DCC: variants seen among roughly 807,000 people sequenced by gnomAD.
DCC encodes DCC netrin 1 receptor, also known as netrin receptor DCC.
Under a neutral mutation model 172.5 loss-of-function variants are expected in DCC, and 58 were observed. That is an observed-to-expected ratio of 0.34 (90% CI 0.27 to 0.42). The LOEUF is 0.42. Among genes scored for constraint, DCC ranks in the 10% least tolerant of loss-of-function variants. DCC has a pLI of 1.00. For synonymous variants in DCC, 709 were observed against 644.5 expected (o/e 1.10, Z -1.52); for missense variants, 1,740 against 1,791.0 (o/e 0.97, Z 0.51).
chr18:52,360,817 G>A (rs1048361148), intron 1 of DCC, among the ~76,000 whole-genome samples: 2 of 152,170 alleles, frequency 1.3e-5, no homozygotes. Flanking sequence ...CAAATGTTTA[G>A]TTCCTGAATT....
chr18:53,506,300 CTTGTAAGT>C (rs917957446), intron 27 of DCC, among the ~76,000 whole-genome samples: 5 of 152,100 alleles, frequency 3.3e-5, no homozygotes, highest in African/African-American at 1.2e-4. Context: ...ACCAGAGCGA[CTTGTAAGT>C]TTGTAAGGAT....
intron 14 of DCC, among the ~76,000 whole-genome samples, chr18:53,331,072 T>C (rs1287933622): frequency 1.3e-5 from 2 of 152,196 alleles, no homozygotes; most frequent in Non-Finnish European, 1.5e-5. Context: ...TTCAGATAAA[T>C]GAGCTAGAAA....
chr18:53,354,949 G>A (rs2057860176), intron 15 of DCC, among the ~76,000 whole-genome samples: 1 of 152,112 alleles, frequency 6.6e-6, no homozygotes, highest in East Asian at 1.9e-4. Flanking sequence ...ATTAATTTTT[G>A]TATAAGGTGT....
At chr18:52,372,980 G>GCCT (rs1168918947) in intron 1 of DCC, among the ~76,000 whole-genome samples, 7 of 152,168 alleles carry the variant, frequency 4.6e-5, no homozygotes, top group Non-Finnish European at 8.8e-5. Flanking sequence ...GGATGCAGGA[G>GCCT]CCTCTATTCC....
intron 1 of DCC, among the ~76,000 whole-genome samples, chr18:52,636,685 G>A (rs2034787054): frequency 1.3e-5 from 2 of 152,050 alleles, no homozygotes; most frequent in African/African-American, 2.4e-5. Context: ...CAGAGAGTCT[G>A]AACTCAGACA....
At position 53,322,030 on chromosome 18, in the gene DCC, G is replaced by T. The variant is rs568803347; in HGVS notation, c.2054-17G>T. ...GCATAGTAACTTTCTTCCCCCCTGTGGAAAATTCTTTCATAGGACTGGAGA... is the reference window on the plus strand; with the variant it reads ...GCATAGTAACTTTCTTCCCCCCTGTTGAAAATTCTTTCATAGGACTGGAGA... On this transcript the variant is annotated splice_polypyrimidine_tract_variant and intron_variant, in intron 13 of 28. Transcript: ENST00000442544. The T allele has an allele frequency of 7.4e-5, 108 of 1,451,468 alleles. 1 individual carries two copies. In the South Asian group the frequency reaches 1.2e-3, roughly 16 times the overall value. The allele number at this position is 1,451,468 out of a possible 1,614,324, so 89.9% of individuals were successfully genotyped here.
At chr18:53,489,535 T>G (rs992892110) in intron 26 of DCC, among the ~76,000 whole-genome samples, 4 of 152,154 alleles carry the variant, frequency 2.6e-5, no homozygotes, top group Non-Finnish European at 5.9e-5. Context: ...TGGATATATC[T>G]TATTAGTCGC....
At chr18:53,171,924 G>T (rs147453705) in intron 8 of DCC, among the ~76,000 whole-genome samples, 4 of 152,044 alleles carry the variant, frequency 2.6e-5, no homozygotes, top group African/African-American at 9.6e-5. Flanking sequence ...CTTATACATT[G>T]TTGGCAGAAA....
chr18:52,805,241 G>A (rs771226605), intron 2 of DCC, among the ~76,000 whole-genome samples: 6 of 152,242 alleles, frequency 3.9e-5, no homozygotes, highest in Middle Eastern at 3.4e-3. Context: ...AATAGTTTCA[G>A]GATAAAGAAT....
chr18:52,534,761 C>A (rs2144690476), intron 1 of DCC, among the ~76,000 whole-genome samples: 1 of 152,156 alleles, frequency 6.6e-6, no homozygotes, highest in Non-Finnish European at 1.5e-5. Context: ...CATTAGGGAT[C>A]TTTAATTTTT....
intron 7 of DCC, among the ~76,000 whole-genome samples, chr18:53,091,797 C>T (rs1159860995): frequency 6.6e-6 from 1 of 151,454 alleles, no homozygotes; most frequent in Non-Finnish European, 1.5e-5. Context: ...CAGTCCATTG[C>T]ATACACTGTA....
chr18:52,506,225 G>T (rs1316182634), intron 1 of DCC, among the ~76,000 whole-genome samples: 1 of 152,008 alleles, frequency 6.6e-6, no homozygotes, highest in African/African-American at 2.4e-5. Flanking sequence ...ATTTTTAAAA[G>T]ACTTATTGAC....
intron 1 of DCC, among the ~76,000 whole-genome samples, chr18:52,396,182 A>C (rs1264439523): frequency 2.6e-5 from 4 of 151,944 alleles, no homozygotes; most frequent in African/African-American, 9.7e-5. Flanking sequence ...AGAAAAGAAA[A>C]TAAATGCCTC....
chr18:53,435,299 A>C, intron 22 of DCC, 90 bp downstream of exon 22: 1 of 819,714 alleles, frequency 1.2e-6, no homozygotes, highest in South Asian at 1.4e-5. Context: ...TATCAACTAC[A>C]AGTGCCAGGA....
At position 52,496,748 on chromosome 18, in the gene DCC, T is replaced by C. The variant is rs550549851; in HGVS notation, c.91+155870T>C. On this transcript the variant is annotated intron_variant, in intron 1 of 28. Transcript: ENST00000442544. The stretch of plus-strand genomic sequence containing the variant: ...AGGCTGCTGTTACCTTGTCATTTAT[T>C]TTGTAGCCTTTGGGGCTTTGACAGG... Among the ~76,000 whole-genome samples, 5 of 152,282 alleles carry C rather than the reference T, an allele frequency of 3.3e-5. No individual in the cohort carries two copies. The East Asian group carries it at 9.6e-4, about 29-fold the overall frequency.
At chr18:53,470,736 A>AG (rs1328202758) in intron 25 of DCC, among the ~76,000 whole-genome samples, 5 of 152,080 alleles carry the variant, frequency 3.3e-5, no homozygotes, top group Non-Finnish European at 5.9e-5. Flanking sequence ...AGAGAGAGAG[A>AG]AAAAACGAAG....
intron 5 of DCC, among the ~76,000 whole-genome samples, chr18:53,048,035 A>G (rs1039868989): frequency 6.6e-6 from 1 of 151,864 alleles, no homozygotes; most frequent in Non-Finnish European, 1.5e-5. Context: ...CCACACTATT[A>G]AAGGCATATT....
chr18:52,460,378 C>A (rs1453545678), intron 1 of DCC, among the ~76,000 whole-genome samples: 1 of 152,158 alleles, frequency 6.6e-6, no homozygotes, highest in Non-Finnish European at 1.5e-5. Flanking sequence ...TCTAGCTGAT[C>A]ACTCCCTCTT....
chr18:52,951,583 T>C (rs1304374270), intron 5 of DCC, among the ~76,000 whole-genome samples: 1 of 152,200 alleles, frequency 6.6e-6, no homozygotes, highest in Non-Finnish European at 1.5e-5. Flanking sequence ...GGCTTCCAGC[T>C]TCATCCATGT....
Sources: gnomAD v4.1 joint callset for allele counts (sites outside exome capture counted in the v4.1 genomes callset) on GRCh38, gnomAD v4.1.1 for gene constraint, MANE v1.5 for transcripts, NCBI Gene and HGNC (gene_info 2026-07-23, HGNC 2026-07-21) for gene names.